The following SNTG2 variants were observed in gnomAD, a reference collection of about 807,000 sequenced individuals.
SNTG2 encodes gamma-2-syntrophin.
Under a neutral mutation model 70.9 loss-of-function variants are expected in SNTG2, and 74 were observed. The observed-to-expected ratio is 1.04, with a 90% confidence interval of 0.86 to 1.27. SNTG2 has a LOEUF of 1.27. Ranked by LOEUF, SNTG2 falls within the 50% of genes most tolerant of loss-of-function variation. The probability of loss-of-function intolerance (pLI) is 0.00; values close to 1 mark genes in which losing one functional copy is unlikely to be tolerated. For missense variants in SNTG2, 717 were observed against 690.7 expected, an observed-to-expected ratio of 1.04 and a Z score of -0.43; for synonymous variants, 278 against 273.8, an observed-to-expected ratio of 1.02 and a Z score of -0.15.
At chr2:1,134,276 G>A (rs542891539) in intron 4 of SNTG2, among the ~76,000 whole-genome samples, 2 of 152,260 alleles carry the variant, frequency 1.3e-5, no homozygotes, top group South Asian at 2.1e-4. Flanking sequence ...CACTGGTGGC[G>A]CCGGGATCCT....
intron 14 of SNTG2, among the ~76,000 whole-genome samples, chr2:1,275,014 G>A (rs143589697): frequency 1.3e-5 from 2 of 152,340 alleles, no homozygotes; most frequent in East Asian, 3.9e-4. Flanking sequence ...AAGCCGACAT[G>A]TGCAAAGGGG....
In SNTG2 at chr2:1,098,237, G is replaced by T. The variant is rs201526223; in HGVS notation, c.252G>T (p.Leu84Phe). Residue 84 changes from leucine (L) to phenylalanine (F), a missense_variant, in exon 3 of 17, where the codon TTG (leucine) becomes TTT (phenylalanine). Physicochemically the swap from Leu to Phe is conservative, Grantham distance 22 (BLOSUM62 0). Coordinates refer to ENST00000308624, the MANE Select transcript of SNTG2 (RefSeq NM_018968.4). ...VTLRRQPVGG[L>F]GLSIKGGSEH... Reference sequence around the variant, plus strand: ...TCCGCAGACAGCCAGTTGGCGGCTTGGGCCTGAGTATAAAGGTATGGAAAT... The same window carrying T: ...TCCGCAGACAGCCAGTTGGCGGCTTTGGCCTGAGTATAAAGGTATGGAAAT... The T allele has an allele frequency of 4.7e-5, 76 of 1,614,018 alleles. No homozygotes were observed. In the African/African-American group the frequency reaches 8.4e-4, roughly 18 times the overall value.
chr2:1,144,461 C>A (rs1668967306), intron 6 of SNTG2, among the ~76,000 whole-genome samples: 1 of 152,046 alleles, frequency 6.6e-6, no homozygotes, highest in African/African-American at 2.4e-5. Context: ...ACATTCTGGG[C>A]CATAAAAACA....
chr2:1,022,999 G>A (rs960878128), intron 1 of SNTG2, among the ~76,000 whole-genome samples: 3 of 152,188 alleles, frequency 2.0e-5, no homozygotes, highest in Non-Finnish European at 4.4e-5. Context: ...GAGACTGGCA[G>A]CAAATGAGAG....
rs190667751 is a variant in SNTG2, at chr2:1,339,467, A to G, written c.1488+23092A>G. On this transcript the variant is annotated intron_variant, in intron 16 of 16. Transcript: ENST00000308624. Reference sequence around the variant, plus strand: ...CAATCACTTACCAGAGTTATCTAACATGTGCTAGTTGGGGCTGGAGCCACC... The same window carrying G: ...CAATCACTTACCAGAGTTATCTAACGTGTGCTAGTTGGGGCTGGAGCCACC... Among the ~76,000 whole-genome samples the G allele has an allele frequency of 4.0e-3, 602 of 152,318 alleles. 5 individuals are homozygous for G. The highest frequency in any genetic ancestry group is 0.013 in the African/African-American group (558 of 41,558).
At chr2:1,070,013 C>T (rs909427179) in intron 1 of SNTG2, among the ~76,000 whole-genome samples, 1 of 152,006 alleles carries the variant, frequency 6.6e-6, no homozygotes, top group Non-Finnish European at 1.5e-5. Context: ...CGCGGCCCCC[C>T]ACGTGTTTCT....
At chr2:1,183,152 T>G (rs1324708316) in intron 8 of SNTG2, among the ~76,000 whole-genome samples, 2 of 152,340 alleles carry the variant, frequency 1.3e-5, no homozygotes, top group East Asian at 3.9e-4. Context: ...CTTTGTTTGC[T>G]CAATATTATG....
At chr2:1,261,966 C>T (rs1678436813) in intron 13 of SNTG2, among the ~76,000 whole-genome samples, 1 of 152,068 alleles carries the variant, frequency 6.6e-6, no homozygotes, top group African/African-American at 2.4e-5. Flanking sequence ...GGGAGCCTGT[C>T]GCGAGTGGCC....
chr2:1,140,504 G>T (rs1572544080), intron 6 of SNTG2, among the ~76,000 whole-genome samples: 1 of 152,316 alleles, frequency 6.6e-6, no homozygotes, highest in Admixed American at 6.5e-5. Context: ...AGGAGCTGCC[G>T]GTTCCTCTCG....
chr2:1,101,216 T>TGCTGCCCCC, intron 4 of SNTG2, among the ~76,000 whole-genome samples: 1 of 152,048 alleles, frequency 6.6e-6, no homozygotes, highest in South Asian at 2.1e-4. Flanking sequence ...TGCCTGCCCC[T>TGCTGCCCCC]GCTGCCCCCT....
intron 16 of SNTG2, among the ~76,000 whole-genome samples, chr2:1,338,123 A>C (rs560953218): frequency 6.6e-6 from 1 of 152,314 alleles, no homozygotes; most frequent in Admixed American, 6.5e-5. Flanking sequence ...CATCAGCTTT[A>C]AAATCAGGAA....
chr2:1,126,899 T>A (rs1444930843), intron 4 of SNTG2, among the ~76,000 whole-genome samples: 1 of 152,188 alleles, frequency 6.6e-6, no homozygotes, highest in Non-Finnish European at 1.5e-5. Flanking sequence ...TGAAAATATT[T>A]TCTCCCATTC....
At chr2:1,022,252 A>T (rs934355472) in intron 1 of SNTG2, among the ~76,000 whole-genome samples, 7 of 151,144 alleles carry the variant, frequency 4.6e-5, no homozygotes, top group African/African-American at 1.5e-4. Context: ...CTGCGTTCCC[A>T]TGAATCCCTT....
intron 1 of SNTG2, among the ~76,000 whole-genome samples, chr2:1,067,507 G>A (rs1258771371): frequency 6.6e-6 from 1 of 152,028 alleles, no homozygotes; most frequent in Non-Finnish European, 1.5e-5. Flanking sequence ...AACATTTTAG[G>A]GAAACCTAAT....
intron 6 of SNTG2, among the ~76,000 whole-genome samples, chr2:1,152,017 T>C (rs1000888070): frequency 2.0e-5 from 3 of 152,348 alleles, no homozygotes; most frequent in African/African-American, 7.2e-5. Context: ...TACGTAAGCA[T>C]TTATGGTCCT....
chr2:1,040,345 C>T (rs905092394), intron 1 of SNTG2, among the ~76,000 whole-genome samples: 7 of 152,286 alleles, frequency 4.6e-5, no homozygotes, highest in Non-Finnish European at 8.8e-5. Flanking sequence ...CTCACCTGCT[C>T]GCCTCCCTAT....
chr2:1,169,306 G>T (rs1395926529), intron 7 of SNTG2, among the ~76,000 whole-genome samples: 1 of 152,072 alleles, frequency 6.6e-6, no homozygotes, highest in Non-Finnish European at 1.5e-5. Context: ...AGTGGGGGTG[G>T]GAGGCAGAGG....
chr2:1,267,354 C>T lies in SNTG2; in HGVS notation c.1078-11C>T. ...GCGCTGCACGTTTCCAATCCATGCT[C>T]TGTTTTTCAGTTCTGGCTCACAGAG... is the stretch of plus-strand genomic sequence containing the variant. On this transcript the variant is annotated splice_polypyrimidine_tract_variant and intron_variant, in intron 13 of 16. Coordinates refer to ENST00000308624, the MANE Select transcript of SNTG2 (RefSeq NM_018968.4). 6.3e-7 allele frequency: 1 copy of T among 1,585,666 alleles called. No homozygotes were observed. Among genetic ancestry groups the T allele is most frequent in the Non-Finnish European group, 8.6e-7 (1 of 1,164,464 alleles).
intron 14 of SNTG2, among the ~76,000 whole-genome samples, chr2:1,290,852 A>G (rs916907035): frequency 6.6e-6 from 1 of 152,218 alleles, no homozygotes; most frequent in Non-Finnish European, 1.5e-5. Context: ...TTCTGGGTGT[A>G]TACACAAAAG....
Sources: gnomAD v4.1 joint callset for allele counts (sites outside exome capture counted in the v4.1 genomes callset) on GRCh38, gnomAD v4.1.1 for gene constraint, MANE v1.5 for transcripts, NCBI Gene and HGNC (gene_info 2026-07-23, HGNC 2026-07-21) for gene names.